The following GNAL variants were observed in gnomAD, a reference collection of about 807,000 sequenced individuals.
GNAL encodes G protein subunit alpha L.
In GNAL, 18 loss-of-function variants were observed where a neutral mutation model predicts 55.1. The ratio of observed to expected loss-of-function variants is 0.33; its 90% CI spans 0.23 to 0.48. GNAL has a LOEUF of 0.48. GNAL is among the 20% of genes least tolerant of loss of function. The pLI, the probability that GNAL is intolerant of heterozygous loss-of-function variation, is 0.99. For synonymous variants in GNAL, 253 were observed against 237.0 expected, an observed-to-expected ratio of 1.07 and a Z score of -0.62; for missense variants, 412 against 614.1, an observed-to-expected ratio of 0.67 and a Z score of 3.48.
chr18:11,724,285 T>C (rs2032163117), intron 1 of GNAL, among the ~76,000 whole-genome samples: 2 of 152,204 alleles, frequency 1.3e-5, no homozygotes, highest in Non-Finnish European at 2.9e-5. Flanking sequence ...TCAGGCTGGC[T>C]TCTTTCACTG....
Position 11,751,104 on chromosome 18 carries a change from A to C in GNAL, c.377-1749A>C, listed in dbSNP as rs1420011280. On this transcript the variant is annotated intron_variant, in intron 1 of 11. Coordinates refer to ENST00000334049, the MANE Select transcript of GNAL (RefSeq NM_182978.4). The surrounding 1 kb of genome is among the most constrained non-coding windows in gnomAD (Gnocchi z 4.5). The stretch of plus-strand genomic sequence containing the variant: ...TCGACGACAGAGCTGAGCAAAGGCA[A>C]GTTAGACAGCGCAGCGCCAAGCCCG... Among the ~76,000 whole-genome samples the C allele has an allele frequency of 6.6e-6, 1 of 152,106 alleles. No individual in the cohort carries two copies. Among genetic ancestry groups the C allele is most frequent in the Non-Finnish European group, 1.5e-5 (1 of 68,012 alleles).
intron 5 of GNAL, among the ~76,000 whole-genome samples, chr18:11,832,197 T>A (rs1038123343): frequency 2.0e-5 from 3 of 152,216 alleles, no homozygotes; most frequent in Non-Finnish European, 2.9e-5. Context: ...AAAATCGGAC[T>A]TTGCTTAATG....
At chr18:11,846,522 C>T (rs905689286) in intron 5 of GNAL, among the ~76,000 whole-genome samples, 2 of 150,608 alleles carry the variant, frequency 1.3e-5, no homozygotes, top group Non-Finnish European at 3.0e-5. Context: ...GGCTGGAATA[C>T]AGTGGCATGA....
chr18:11,883,070 G>GTCTT lies in GNAL; in HGVS notation c.*1937_*1940dup, dbSNP rs1215719115. 2 of 152,094 alleles carry GTCTT rather than the reference G, an allele frequency of 1.3e-5. No individual in the cohort carries two copies. The highest frequency in any genetic ancestry group is 2.9e-5 in the Non-Finnish European group (2 of 68,022). The allele number at this position is 152,094 out of a possible 1,614,324, so 9.4% of individuals were successfully genotyped here. On this transcript the variant is annotated 3_prime_UTR_variant, in exon 12 of 12. Transcript: ENST00000334049. ...ATTATTACTCTTCTTTTAGTCTTTA[G>GTCTT]TCTTTAATATTTTAAAGTTTACTCT... is the stretch of plus-strand genomic sequence containing the variant.
intron 5 of GNAL, among the ~76,000 whole-genome samples, chr18:11,826,000 C>T (rs546287539): frequency 6.6e-6 from 1 of 152,266 alleles, no homozygotes; most frequent in Admixed American, 6.5e-5. Flanking sequence ...AATCTCTAAA[C>T]TCTAAAAATT....
intron 4 of GNAL, among the ~76,000 whole-genome samples, chr18:11,804,641 C>T (rs1256534035): frequency 2.7e-5 from 2 of 74,272 alleles, no homozygotes; most frequent in Non-Finnish European, 4.9e-5. Flanking sequence ...GGATGGAACA[C>T]GGAGATACTG....
chr18:11,703,795 G>GCGCGCA (rs1311432181), intron 1 of GNAL, among the ~76,000 whole-genome samples: 4 of 141,410 alleles, frequency 2.8e-5, no homozygotes, highest in African/African-American at 1.1e-4. Flanking sequence ...GTGTTGATGG[G>GCGCGCA]CACACACACA....
chr18:11,700,075 G>C (rs991881779), intron 1 of GNAL, among the ~76,000 whole-genome samples: 1 of 152,172 alleles, frequency 6.6e-6, no homozygotes, highest in Non-Finnish European at 1.5e-5. Context: ...TTTTGTCCTT[G>C]AATTAGGATC....
intron 5 of GNAL, chr18:11,857,790 G>A: frequency 1.0e-6 from 1 of 961,520 alleles, no homozygotes; most frequent in Non-Finnish European, 1.2e-6. Flanking sequence ...CACCACGTGA[G>A]TAATGTTTTT....
intron 4 of GNAL, among the ~76,000 whole-genome samples, 153 bp downstream of exon 4, chr18:11,754,098 C>G (rs1396200555): frequency 6.6e-6 from 1 of 152,066 alleles, no homozygotes; most frequent in African/African-American, 2.4e-5. Context: ...TTATTCTGTA[C>G]CAAAATATTT....
At position 11,862,437 on chromosome 18, in the gene GNAL, A is replaced by G; in HGVS notation, c.765A>G (p.Thr255=). The G allele has an allele frequency of 1.2e-6, 2 of 1,612,146 alleles. No homozygotes were observed. Among genetic ancestry groups the G allele is most frequent in the East Asian group, 2.2e-5 (1 of 44,872 alleles). The change falls in exon 6 of 12, where the codon ACA becomes ACG. Residue 255 remains threonine (T), a synonymous_variant. Coordinates refer to ENST00000334049, the MANE Select transcript of GNAL (RefSeq NM_182978.4). ...RIDSVSLVDY[T]PTDQDLLRCR... is the part of the protein sequence containing the mutation. ...ACAGCGTCAGCTTGGTTGACTACAC[A>G]CCCACAGACCAGGTATGTGGAATTA...
chr18:11,727,800 T>G (rs182188794), intron 1 of GNAL, among the ~76,000 whole-genome samples: 139 of 152,346 alleles, frequency 9.1e-4, no homozygotes, highest in Middle Eastern at 3.4e-3. Flanking sequence ...GTCAGGAATT[T>G]TCATTCGTTT....
At chr18:11,756,752 T>C (rs879729156) in intron 4 of GNAL, among the ~76,000 whole-genome samples, 4 of 152,202 alleles carry the variant, frequency 2.6e-5, no homozygotes, top group Non-Finnish European at 5.9e-5. Flanking sequence ...CAGAATGATA[T>C]CAAGACAAAT....
chr18:11,764,009 G>T (rs1482247988), intron 4 of GNAL, among the ~76,000 whole-genome samples: 1 of 152,188 alleles, frequency 6.6e-6, no homozygotes, highest in African/African-American at 2.4e-5. Flanking sequence ...ACTAGTTAAG[G>T]TGGGGTCTGC....
chr18:11,720,605 TTCTTC>T (rs2143400695), intron 1 of GNAL, among the ~76,000 whole-genome samples: 1 of 152,366 alleles, frequency 6.6e-6, no homozygotes, highest in South Asian at 2.1e-4. Flanking sequence ...TTGTGTTTGA[TTCTTC>T]TCTTGATATC....
rs1307731775 is a variant in GNAL, at chr18:11,752,221, G to A, written c.377-632G>A. On this transcript the variant is annotated intron_variant, in intron 1 of 11. Coordinates refer to ENST00000334049, the MANE Select transcript of GNAL (RefSeq NM_182978.4). This position sits in a 1 kb window ranked among gnomAD's most constrained non-coding sequence, Gnocchi z 4.5. ...TGTAAAAAGGCATTTTACTCCGCGC[G>A]TCTTCCTTACAGCCATTTAGTTGGG... 5.5e-6 allele frequency: 5 copies of A among 907,600 alleles called. No homozygotes were observed. The South Asian group carries it at 1.4e-4, about 25-fold the overall frequency. The allele number at this position is 907,600 out of a possible 1,614,324, so 56.2% of individuals were successfully genotyped here. A position where few individuals can be genotyped will look rare whatever the true frequency, so the allele number is the denominator to read the frequency against.
At chr18:11,852,044 C>T in intron 5 of GNAL, 1 of 1,613,682 alleles carries the variant, frequency 6.2e-7, no homozygotes, top group Non-Finnish European at 8.5e-7. Flanking sequence ...TCCGTGGGCA[C>T]GAGCGTGGCT....
intron 5 of GNAL, chr18:11,851,495 A>G: frequency 6.5e-7 from 1 of 1,535,492 alleles, no homozygotes; most frequent in South Asian, 1.2e-5. Context: ...CCGCCGACCC[A>G]AAGGAGCCGT....
In GNAL at chr18:11,851,533, C is replaced by T. The variant is rs1237603863; in HGVS notation, c.723-10862C>T. The T allele has an allele frequency of 8.7e-6, 14 of 1,600,878 alleles. No homozygotes were observed. In the East Asian group the frequency reaches 9.0e-5, roughly 10 times the overall value. On this transcript the variant is annotated intron_variant, in intron 5 of 11. Coordinates refer to ENST00000334049, the MANE Select transcript of GNAL (RefSeq NM_182978.4). ...GACTATGTCTAACATGGAGAAACAC[C>T]TGTTCAACCTGAAGTTCGCGGCCAA... is the stretch of plus-strand genomic sequence containing the variant.
Sources: allele counts gnomAD v4.1 joint callset (sites outside exome capture counted in the v4.1 genomes callset), GRCh38; gene constraint gnomAD v4.1.1; non-coding constraint Gnocchi (gnomAD v3.1); transcripts MANE v1.5; gene names NCBI Gene and HGNC (gene_info 2026-07-23, HGNC 2026-07-21).